The following CPO variants were observed in gnomAD, a reference collection of about 807,000 sequenced individuals.
CPO encodes the protein metallocarboxypeptidase C.
CPO carries 43 observed loss-of-function variants against 41.2 expected under a neutral mutation model. That is an observed-to-expected ratio of 1.04 (90% CI 0.82 to 1.35). The LOEUF (loss-of-function observed/expected upper bound fraction) is 1.35, where lower values mean the gene tolerates loss of function less well. Ranked by LOEUF, CPO falls within the 40% of genes most tolerant of loss-of-function variation. The pLI, the probability that CPO is intolerant of heterozygous loss-of-function variation, is 0.00. For missense variants in CPO, 408 were observed against 451.7 expected, an observed-to-expected ratio of 0.90 and a Z score of 0.88; for synonymous variants, 178 against 162.7, an observed-to-expected ratio of 1.09 and a Z score of -0.72.
At chr2:206,946,975 G>T (rs1693156494) in intron 1 of CPO, among the ~76,000 whole-genome samples, 1 of 152,058 alleles carries the variant, frequency 6.6e-6, no homozygotes. Flanking sequence ...TAAATAAATG[G>T]AAAGTCCATG....
intron 1 of CPO, among the ~76,000 whole-genome samples, chr2:206,944,731 C>T (rs1693110826): frequency 2.0e-5 from 3 of 151,812 alleles, no homozygotes; most frequent in African/African-American, 7.2e-5. Context: ...ATATTACTAA[C>T]AATTAATAAT....
At chr2:206,941,763 A>T (rs1693033607) in intron 1 of CPO, among the ~76,000 whole-genome samples, 1 of 152,178 alleles carries the variant, frequency 6.6e-6, no homozygotes, top group Admixed American at 6.6e-5. Flanking sequence ...ACTACATGTG[A>T]TAATAGTCTA....
intron 1 of CPO, among the ~76,000 whole-genome samples, chr2:206,944,302 T>A (rs1693100172): frequency 6.6e-6 from 1 of 152,046 alleles, no homozygotes; most frequent in African/African-American, 2.4e-5. Context: ...TGAATTTTTA[T>A]GAATTTTAAA....
At chr2:206,953,171 T>G (rs1050865633) in intron 2 of CPO, among the ~76,000 whole-genome samples, 1 of 152,164 alleles carries the variant, frequency 6.6e-6, no homozygotes. Context: ...ATTTCAAAAC[T>G]AATCATGCCT....
At chr2:206,948,252 A>G (rs1421732517) in intron 1 of CPO, among the ~76,000 whole-genome samples, 1 of 152,234 alleles carries the variant, frequency 6.6e-6, no homozygotes, top group Non-Finnish European at 1.5e-5. Context: ...GTGCTAATAA[A>G]GAAATTAGCT....
intron 1 of CPO, among the ~76,000 whole-genome samples, chr2:206,945,252 G>C (rs1222722602): frequency 1.3e-5 from 2 of 152,134 alleles, no homozygotes; most frequent in East Asian, 3.8e-4. Context: ...TCATAGAAAT[G>C]TTAGCTAATT....
chr2:206,941,422 A>G (rs1055661057), intron 1 of CPO, among the ~76,000 whole-genome samples: 4 of 152,058 alleles, frequency 2.6e-5, no homozygotes, highest in African/African-American at 9.7e-5. Context: ...CTAAAATGGT[A>G]ATTGTTATCT....
intron 1 of CPO, among the ~76,000 whole-genome samples, chr2:206,947,159 C>A (rs775680402): frequency 2.0e-5 from 3 of 152,130 alleles, no homozygotes; most frequent in Admixed American, 2.0e-4. Context: ...CTGACAGTAC[C>A]CAACCTCAAG....
chr2:206,958,728 GTTT>G (rs752377148), intron 4 of CPO, among the ~76,000 whole-genome samples: 98 of 53,328 alleles, frequency 1.8e-3, no homozygotes, highest in African/African-American at 6.0e-3. Flanking sequence ...AAATTTTCTA[GTTT>G]TTTTTTTTTT....
At chr2:206,953,093 G>T (rs977789184) in intron 2 of CPO, among the ~76,000 whole-genome samples, 15 of 152,274 alleles carry the variant, frequency 9.9e-5, no homozygotes, top group Middle Eastern at 6.8e-3. Flanking sequence ...TTCATGATGA[G>T]TTTTGAGAGG....
intron 5 of CPO, among the ~76,000 whole-genome samples, chr2:206,959,946 T>C (rs1034867544): frequency 6.6e-6 from 1 of 152,234 alleles, no homozygotes; most frequent in Non-Finnish European, 1.5e-5. Context: ...AAGGCCTTTT[T>C]AGAGTTGAAG....
chr2:206,954,252 A>C (rs1281883995), intron 2 of CPO, among the ~76,000 whole-genome samples: 1 of 152,096 alleles, frequency 6.6e-6, no homozygotes, highest in Non-Finnish European at 1.5e-5. Context: ...CAGGCTGCAA[A>C]TTTTCCAAAA....
In CPO at chr2:206,955,463, A is replaced by T; in HGVS notation, c.166A>T (p.Ile56Phe). Residue 56 changes from isoleucine (I) to phenylalanine (F), a missense_variant and splice_region_variant, in exon 3 of 9, where the codon ATC becomes TTC. Transcript: ENST00000272852. ...CCACAGTCCTCCCTTGCTGTTTCAG[A>T]TCTATGAGTGGATGAGAGAGATCAG... is the stretch of plus-strand genomic sequence containing the variant. ...SYNIYHPMGEIYEWMREISEK... is the reference protein window; with the variant it reads ...SYNIYHPMGEFYEWMREISEK... 3.8e-6 allele frequency: 6 copies of T among 1,592,394 alleles called. No individual in the cohort carries two copies. Among genetic ancestry groups the T allele is most frequent in the Non-Finnish European group, 5.2e-6 (6 of 1,160,122 alleles).
intron 8 of CPO, 139 bp downstream of exon 8, chr2:206,968,486 GAT>G: frequency 4.7e-6 from 3 of 643,116 alleles, no homozygotes; most frequent in Non-Finnish European, 8.3e-6. Flanking sequence ...AATGACCAAG[GAT>G]AAAAGGGAGT....
chr2:206,965,456 A>G (rs1178233736), intron 7 of CPO, among the ~76,000 whole-genome samples: 1 of 152,170 alleles, frequency 6.6e-6, no homozygotes, highest in Admixed American at 6.5e-5. Context: ...ATCATGGTAA[A>G]TATTATACTA....
chr2:206,957,873 C>T (rs1391898845), intron 3 of CPO, among the ~76,000 whole-genome samples: 1 of 152,178 alleles, frequency 6.6e-6, no homozygotes, highest in Non-Finnish European at 1.5e-5. Flanking sequence ...GATTGGGATT[C>T]ATTTTAAAGA....
intron 1 of CPO, among the ~76,000 whole-genome samples, chr2:206,941,146 A>G (rs1408848448): frequency 1.4e-5 from 2 of 146,672 alleles, no homozygotes; most frequent in Non-Finnish European, 3.1e-5. Flanking sequence ...GAGGAAATAA[A>G]CTAAAGTCTG....
intron 5 of CPO, among the ~76,000 whole-genome samples, chr2:206,960,409 C>T (rs1016772388): frequency 6.6e-6 from 1 of 152,224 alleles, no homozygotes; most frequent in Non-Finnish European, 1.5e-5. Context: ...CCCATCTCCA[C>T]TCATCAGTCC....
chr2:206,949,050 A>G (rs1291694382), intron 1 of CPO, among the ~76,000 whole-genome samples: 1 of 146,108 alleles, frequency 6.8e-6, no homozygotes, highest in Non-Finnish European at 1.5e-5. Flanking sequence ...AATAAAGTTT[A>G]TTTTTAAAAA....
Sources: allele counts gnomAD v4.1 joint callset (sites outside exome capture counted in the v4.1 genomes callset), GRCh38; gene constraint gnomAD v4.1.1; transcripts MANE v1.5; gene names NCBI Gene and HGNC (gene_info 2026-07-23, HGNC 2026-07-21).